ERN1: variants seen among roughly 807,000 people sequenced by gnomAD.
ERN1 encodes the protein serine/threonine-protein kinase/endoribonuclease IRE1.
Under a neutral mutation model 113.1 loss-of-function variants are expected in ERN1, and 39 were observed. That is an observed-to-expected ratio of 0.34 (90% confidence interval 0.27 to 0.45). ERN1 has a LOEUF of 0.45. Among genes scored for constraint, ERN1 ranks in the 20% least tolerant of loss-of-function variants. The pLI is 1.00. For synonymous variants in ERN1, 507 were observed against 515.9 expected (o/e 0.98, Z 0.23); for missense variants, 976 against 1,274.8 (o/e 0.77, Z 3.57).
intron 6 of ERN1, among the ~76,000 whole-genome samples, chr17:64,069,283 T>C (rs1272058274): frequency 6.6e-6 from 1 of 152,084 alleles, no homozygotes; most frequent in African/African-American, 2.4e-5. Context: ...TTTTATCTAA[T>C]GGAATAAATT....
intron 2 of ERN1, among the ~76,000 whole-genome samples, chr17:64,083,521 C>T (rs1913833061): frequency 6.6e-6 from 1 of 152,006 alleles, no homozygotes; most frequent in Admixed American, 6.5e-5. Context: ...CCAATGTCAC[C>T]AAGTTGTTTT....
At chr17:64,055,374 C>T (rs536073652) in intron 13 of ERN1, among the ~76,000 whole-genome samples, 5 of 152,324 alleles carry the variant, frequency 3.3e-5, no homozygotes, top group African/African-American at 7.2e-5. Flanking sequence ...ACTTGGCCAC[C>T]GGCTGGCCCT....
chr17:64,123,214 A>G (rs1567890099), intron 1 of ERN1, among the ~76,000 whole-genome samples: 1 of 152,186 alleles, frequency 6.6e-6, no homozygotes, highest in Non-Finnish European at 1.5e-5. Context: ...ACAACCGACC[A>G]TACAAAGAAT....
chr17:64,069,692 G>C (rs150093807), intron 6 of ERN1, among the ~76,000 whole-genome samples: 64 of 152,308 alleles, frequency 4.2e-4, no homozygotes, highest in African/African-American at 1.4e-3. Context: ...CAGCTATCCT[G>C]TCTCTGTCTC....
intron 18 of ERN1, among the ~76,000 whole-genome samples, 152 bp from the exon 19 acceptor site, chr17:64,048,137 A>G (rs1246014802): frequency 6.6e-6 from 1 of 152,232 alleles, no homozygotes; most frequent in Non-Finnish European, 1.5e-5. Flanking sequence ...ACAAAACCTC[A>G]GCCAAAGAGG....
Position 64,054,589 on chromosome 17 carries a change from C to T in ERN1, c.1763+149G>A. ...TGGTGGCCCCGGAATCATCGCTTGT[C>T]TCAGTGTGCAAGCTCCCTGGAGGCC... On this transcript the variant is annotated intron_variant, in intron 14 of 21. Transcript: ENST00000433197. The surrounding 1 kb of genome is among the most constrained non-coding windows in gnomAD (Gnocchi z 4.9). 2 of 998,834 alleles carry T rather than the reference C, an allele frequency of 2.0e-6. No homozygotes were observed. The highest frequency in any genetic ancestry group is 2.9e-6 in the Non-Finnish European group (2 of 679,712). The allele number at this position is 998,834 out of a possible 1,614,324, so 61.9% of individuals were successfully genotyped here. A position where few individuals can be genotyped will look rare whatever the true frequency, so the allele number is the denominator to read the frequency against.
intron 6 of ERN1, among the ~76,000 whole-genome samples, chr17:64,070,725 A>T (rs531594831): frequency 6.4e-4 from 98 of 152,332 alleles, no homozygotes; most frequent in African/African-American, 2.1e-3. Context: ...GTAGTGCTCA[A>T]TTGTAATGAA....
rs747864791 is a variant in ERN1, at chr17:64,058,013, C to T, written c.1207-20G>A. 59 of 1,498,978 alleles carry T rather than the reference C, an allele frequency of 3.9e-5. No individual in the cohort carries two copies. The highest frequency in any genetic ancestry group is 4.8e-5 in the Admixed American group (2 of 41,904). 92.9% of individuals were successfully genotyped at this position (1,498,978 alleles called of 1,614,324 possible). A position where few individuals can be genotyped will look rare whatever the true frequency, so the allele number is the denominator to read the frequency against. ...GATAACCTTGCATGGGAGAGAGTTG[C>T]GACATCACTGCAAAATTTCTAGCCA... On this transcript the variant is annotated intron_variant, in intron 11 of 21. Coordinates refer to ENST00000433197, the MANE Select transcript of ERN1 (RefSeq NM_001433.5).
intron 17 of ERN1, among the ~76,000 whole-genome samples, chr17:64,051,376 C>T (rs1051103624): frequency 6.6e-6 from 1 of 152,114 alleles, no homozygotes; most frequent in African/African-American, 2.4e-5. Context: ...GAAATGAACC[C>T]TTATGGTAGA....
chr17:64,124,422 C>G (rs959040029), intron 1 of ERN1, among the ~76,000 whole-genome samples: 1 of 152,220 alleles, frequency 6.6e-6, no homozygotes, highest in African/African-American at 2.4e-5. Flanking sequence ...GTAGCTCCCA[C>G]TATTCCCATG....
chr17:64,068,250 G>T lies in ERN1; in HGVS notation c.520C>A (p.Arg174=). ...TAGTCAAAGTAGGTGGCATTCCACC[G>T]GAGCTCTCGGGTTTTGGTGTCGTAC... The part of the protein sequence containing the change: ...TMYDTKTREL[R]WNATYFDYAA... Residue 174 remains arginine (R), a synonymous_variant, in exon 7 of 22, where the codon CGG becomes AGG. Transcript: ENST00000433197. 3 of 1,612,770 alleles carry T rather than the reference G, an allele frequency of 1.9e-6. No homozygotes were observed. The highest frequency in any genetic ancestry group is 2.5e-6 in the Non-Finnish European group (3 of 1,179,422).
At chr17:64,092,310 G>A (rs138142350) in intron 2 of ERN1, among the ~76,000 whole-genome samples, 48 of 152,154 alleles carry the variant, frequency 3.2e-4, no homozygotes, top group African/African-American at 1.1e-3. Flanking sequence ...GCTTGGCCGT[G>A]ATTCTGTCAG....
chr17:64,060,533 T>C lies in ERN1; in HGVS notation c.1142A>G (p.Asn381Ser), dbSNP rs79107850. 1,564 of 1,614,020 alleles carry C rather than the reference T, an allele frequency of 9.7e-4. 10 individuals carry two copies. In the African/African-American group the frequency reaches 0.018, roughly 19 times the overall value. The change falls in exon 11 of 22, where the codon AAC becomes AGC. Residue 381 changes from asparagine to serine, a missense_variant. Physicochemically the swap from Asn to Ser is conservative, Grantham distance 46 (BLOSUM62 1). Transcript: ENST00000433197. ...ASTKMLERFP[N>S]NLPKHRENVI... ...ATTTTCCCGATGTTTGGGTAGATTG[T>C]TGGGAAATCTCTCCAGCATCTTGGT...
At chr17:64,105,411 T>TAA (rs796944726) in intron 1 of ERN1, among the ~76,000 whole-genome samples, 4 of 151,680 alleles carry the variant, frequency 2.6e-5, no homozygotes, top group African/African-American at 9.7e-5. Flanking sequence ...ATAATAATAA[T>TAA]AAAAAAAAGA....
At position 64,050,950 on chromosome 17, in the gene ERN1, T is replaced by A. The variant is rs1912664268; in HGVS notation, c.2254-1748A>T. Among the ~76,000 whole-genome samples the A allele has an allele frequency of 4.6e-5, 7 of 152,070 alleles. No individual in the cohort carries two copies. In the South Asian group the frequency reaches 1.4e-3, roughly 31 times the overall value. ...CCACCCAGGTCTCCATCGGGGAGTGTCCAAGGTGAGCCTCGGCGACTTGTG... is the reference window on the plus strand; with the variant it reads ...CCACCCAGGTCTCCATCGGGGAGTGACCAAGGTGAGCCTCGGCGACTTGTG... On this transcript the variant is annotated intron_variant, in intron 17 of 21. Transcript: ENST00000433197.
intron 2 of ERN1, among the ~76,000 whole-genome samples, chr17:64,091,492 T>G (rs1914087979): frequency 6.6e-6 from 1 of 151,904 alleles, no homozygotes; most frequent in Non-Finnish European, 1.5e-5. Context: ...AGGAAGCAAA[T>G]GAGAACAAAA....
rs1456593269 is a variant in ERN1, at chr17:64,055,952, G to A, written c.1399-4C>T. 6.5e-7 allele frequency: 1 copy of A among 1,534,910 alleles called. No individual in the cohort carries two copies. The highest frequency in any genetic ancestry group is 8.8e-7 in the Non-Finnish European group (1 of 1,139,368). ...GCTGCTGCTGCTGATGCATGCTCTG[G>A]GAAGAGAAACCCACATCCAGACAAG... On this transcript the variant is annotated splice_polypyrimidine_tract_variant and splice_region_variant and intron_variant, in intron 12 of 21. Coordinates refer to ENST00000433197, the MANE Select transcript of ERN1 (RefSeq NM_001433.5).
intron 3 of ERN1, 63 bp from the exon 4 acceptor site, chr17:64,079,797 A>C: frequency 7.6e-7 from 1 of 1,315,554 alleles, no homozygotes; most frequent in Non-Finnish European, 1.1e-6. Context: ...CAACATACCA[A>C]AGCCACGCAA....
At chr17:64,051,344 C>G (rs544424358) in intron 17 of ERN1, among the ~76,000 whole-genome samples, 5 of 152,192 alleles carry the variant, frequency 3.3e-5, no homozygotes, top group Admixed American at 6.5e-5. Context: ...AAGTATCACC[C>G]CAAATACTAA....
Sources: allele counts gnomAD v4.1 joint callset (sites outside exome capture counted in the v4.1 genomes callset), GRCh38; gene constraint gnomAD v4.1.1; non-coding constraint Gnocchi (gnomAD v3.1); transcripts MANE v1.5; gene names NCBI Gene and HGNC (gene_info 2026-07-23, HGNC 2026-07-21).